The following LRRC4C variants were observed in gnomAD, a reference collection of about 807,000 sequenced individuals.
The protein encoded by LRRC4C is leucine-rich repeat-containing protein 4C.
In LRRC4C, 5 loss-of-function variants were observed where a neutral mutation model predicts 33.6. That is an observed-to-expected ratio of 0.15 (90% confidence interval 0.08 to 0.31). The LOEUF is 0.31. Among genes scored for constraint, LRRC4C ranks in the 10% least tolerant of loss-of-function variants. The probability of loss-of-function intolerance (pLI) is 1.00; values close to 1 mark genes in which losing one functional copy is unlikely to be tolerated. For synonymous variants in LRRC4C, 329 were observed against 302.0 expected (o/e 1.09, Z -0.93); for missense variants, 560 against 796.7 (o/e 0.70, Z 3.58).
At chr11:41,134,967 A>G (rs1305770357) in intron 1 of LRRC4C, among the ~76,000 whole-genome samples, 1 of 152,188 alleles carries the variant, frequency 6.6e-6, no homozygotes, top group African/African-American at 2.4e-5. Context: ...AGCTGAGGAC[A>G]TAAGGATAAA....
chr11:41,416,084 C>T (rs1954667893), intron 1 of LRRC4C, among the ~76,000 whole-genome samples: 1 of 151,938 alleles, frequency 6.6e-6, no homozygotes, highest in Admixed American at 6.6e-5. Context: ...TGCATCATAT[C>T]CCTCGGTATT....
chr11:41,043,695 C>T (rs1348756476), intron 1 of LRRC4C, among the ~76,000 whole-genome samples: 3 of 151,794 alleles, frequency 2.0e-5, no homozygotes, highest in Admixed American at 6.6e-5. Context: ...AATAAATGAG[C>T]TATTGTGTCC....
At chr11:40,969,003 A>C (rs1178172570) in intron 1 of LRRC4C, among the ~76,000 whole-genome samples, 1 of 152,168 alleles carries the variant, frequency 6.6e-6, no homozygotes, top group Non-Finnish European at 1.5e-5. Context: ...TTGGGAGAGC[A>C]CACTGAAAAT....
intron 2 of LRRC4C, among the ~76,000 whole-genome samples, chr11:40,794,162 T>G (rs1950732392): frequency 6.6e-6 from 1 of 152,120 alleles, no homozygotes; most frequent in African/African-American, 2.4e-5. Context: ...AGGAAGTAGC[T>G]TAACAAAGCA....
At chr11:40,430,674 T>C (rs1256518175) in intron 3 of LRRC4C, among the ~76,000 whole-genome samples, 3 of 152,068 alleles carry the variant, frequency 2.0e-5, no homozygotes, top group African/African-American at 4.8e-5. Flanking sequence ...ATATTTTTAA[T>C]TGAAGTCCCA....
chr11:40,621,704 C>T (rs932733084), intron 3 of LRRC4C, among the ~76,000 whole-genome samples: 2 of 151,742 alleles, frequency 1.3e-5, no homozygotes, highest in African/African-American at 4.8e-5. Flanking sequence ...CCACCCTTTG[C>T]TCAGTGTCTA....
chr11:40,466,123 G>A lies in LRRC4C; in HGVS notation c.-269-146402C>T, dbSNP rs543899401. ...TCATGTCTTTTGCTGAAATGTGGAT[G>A]GAATTGGAGGCTATTATCCTAAGTG... On this transcript the variant is annotated intron_variant, in intron 3 of 6. Coordinates refer to ENST00000528697, the MANE Select transcript of LRRC4C (RefSeq NM_001258419.2). 4.8e-4 allele frequency among the ~76,000 whole-genome samples: 73 copies of A among 152,164 alleles called. 1 individual carries two copies. The highest frequency in any genetic ancestry group is 1.7e-3 in the African/African-American group (69 of 41,554).
intron 1 of LRRC4C, among the ~76,000 whole-genome samples, chr11:41,153,331 T>A (rs1236834980): frequency 6.6e-6 from 1 of 152,194 alleles, no homozygotes; most frequent in Non-Finnish European, 1.5e-5. Flanking sequence ...GTTGTTGTTT[T>A]TTCTCATCTT....
At chr11:41,141,463 C>A (rs1384431624) in intron 1 of LRRC4C, among the ~76,000 whole-genome samples, 1 of 152,026 alleles carries the variant, frequency 6.6e-6, no homozygotes, top group Non-Finnish European at 1.5e-5. Context: ...AAAATAACAC[C>A]AATTTTAATT....
At chr11:41,417,059 T>C (rs1176841612) in intron 1 of LRRC4C, among the ~76,000 whole-genome samples, 1 of 152,058 alleles carries the variant, frequency 6.6e-6, no homozygotes, top group East Asian at 1.9e-4. Flanking sequence ...TGCTCCTTAC[T>C]GAGAAGTCTA....
chr11:41,103,108 A>G (rs371011906), intron 1 of LRRC4C, among the ~76,000 whole-genome samples: 4 of 152,014 alleles, frequency 2.6e-5, no homozygotes, highest in African/African-American at 9.7e-5. Context: ...GATCTGAATT[A>G]CAAATTCTGT....
intron 1 of LRRC4C, among the ~76,000 whole-genome samples, chr11:41,207,914 TG>T (rs893364373): frequency 1.3e-5 from 2 of 151,940 alleles, no homozygotes; most frequent in Non-Finnish European, 2.9e-5. Context: ...TGACCCTGGG[TG>T]GGGGGTAAAA....
At chr11:40,850,879 G>C (rs1329854100) in intron 2 of LRRC4C, among the ~76,000 whole-genome samples, 1 of 152,224 alleles carries the variant, frequency 6.6e-6, no homozygotes, top group African/African-American at 2.4e-5. Context: ...TTGAGGAGCA[G>C]TGGTGGGCTC....
chr11:40,506,357 A>G (rs1009343841), intron 3 of LRRC4C, among the ~76,000 whole-genome samples: 1 of 152,184 alleles, frequency 6.6e-6, no homozygotes, highest in Admixed American at 6.5e-5. Flanking sequence ...ATGAACAGAA[A>G]TCTTAACACT....
chr11:41,235,084 A>C (rs559875448), intron 1 of LRRC4C, among the ~76,000 whole-genome samples: 4 of 152,158 alleles, frequency 2.6e-5, no homozygotes, highest in Non-Finnish European at 4.4e-5. Context: ...GAGGACTCCA[A>C]GGTAAAGTCT....
chr11:41,095,979 C>A (rs1489975477), intron 1 of LRRC4C, among the ~76,000 whole-genome samples: 1 of 152,012 alleles, frequency 6.6e-6, no homozygotes, highest in Admixed American at 6.6e-5. Context: ...TCACTCAACA[C>A]TGAATGAGAG....
At chr11:40,949,695 C>G (rs1958601714) in intron 1 of LRRC4C, among the ~76,000 whole-genome samples, 1 of 151,962 alleles carries the variant, frequency 6.6e-6, no homozygotes. Flanking sequence ...CAGGCCTGCC[C>G]TAAAAGAGCT....
Position 40,501,633 on chromosome 11 carries a change from G to T in LRRC4C, c.-270+146509C>A, listed in dbSNP as rs551486617. 3.5e-3 allele frequency among the ~76,000 whole-genome samples: 534 copies of T among 152,234 alleles called. 1 individual carries two copies. Among genetic ancestry groups the T allele is most frequent in the Non-Finnish European group, 5.9e-3 (400 of 68,018 alleles). Reference sequence around the variant, plus strand: ...CTTTTTAGTCATCCCTGGAGTGGCTGGGAAGCAGGGCACCAAGTCCCTAGA... The same window carrying T: ...CTTTTTAGTCATCCCTGGAGTGGCTTGGAAGCAGGGCACCAAGTCCCTAGA... On this transcript the variant is annotated intron_variant, in intron 3 of 6. Transcript: ENST00000528697.
At chr11:40,556,436 T>C (rs1003133233) in intron 3 of LRRC4C, among the ~76,000 whole-genome samples, 1 of 152,216 alleles carries the variant, frequency 6.6e-6, no homozygotes, top group African/African-American at 2.4e-5. Flanking sequence ...GACACTATCA[T>C]TCACTGGTCC....
Sources: gnomAD v4.1 joint callset for allele counts (sites outside exome capture counted in the v4.1 genomes callset) on GRCh38, gnomAD v4.1.1 for gene constraint, MANE v1.5 for transcripts, NCBI Gene and HGNC (gene_info 2026-07-23, HGNC 2026-07-21) for gene names.